The following SLC10A7 variants were observed in gnomAD, a reference collection of about 807,000 sequenced individuals.
SLC10A7 encodes sodium/bile acid cotransporter 7.
A neutral mutation model predicts 43.2 loss-of-function variants in SLC10A7; 29 were observed. The observed-to-expected ratio is 0.67, with a 90% CI of 0.50 to 0.92. The LOEUF (loss-of-function observed/expected upper bound fraction) is 0.92. Among genes scored for constraint, SLC10A7 ranks in the 40% least tolerant of loss-of-function variants. The pLI is 0.00. For synonymous variants in SLC10A7, 152 were observed against 144.8 expected (o/e 1.05, Z -0.35); for missense variants, 295 against 403.2 (o/e 0.73, Z 2.30).
At chr4:146,306,678 G>A (rs1291958401) in intron 6 of SLC10A7, among the ~76,000 whole-genome samples, 1 of 151,928 alleles carries the variant, frequency 6.6e-6, no homozygotes, top group African/African-American at 2.4e-5. Context: ...GCTATTCCCT[G>A]CAGCACAAGA....
In SLC10A7 at chr4:146,404,778, G is replaced by A. The variant is rs1399859755; in HGVS notation, c.435+38005C>T. 2.6e-5 allele frequency among the ~76,000 whole-genome samples: 4 copies of A among 152,080 alleles called. No individual in the cohort carries two copies. The South Asian group carries it at 8.3e-4, about 32-fold the overall frequency. Reference sequence around the variant, plus strand: ...AGCCACCGCACCTGGCTTATGTGTTGCGTCTTTGTTACGTGAACTTTGGAT... The same window carrying A: ...AGCCACCGCACCTGGCTTATGTGTTACGTCTTTGTTACGTGAACTTTGGAT... On this transcript the variant is annotated intron_variant, in intron 5 of 11. Transcript: ENST00000335472.
At chr4:146,430,262 CAATT>C (rs1729680249) in intron 5 of SLC10A7, among the ~76,000 whole-genome samples, 2 of 151,786 alleles carry the variant, frequency 1.3e-5, no homozygotes, top group South Asian at 4.2e-4. Flanking sequence ...CCTGAATGGC[CAATT>C]AGATAGTGGG....
chr4:146,309,383 CA>C (rs1560785519), intron 6 of SLC10A7, among the ~76,000 whole-genome samples: 3 of 152,098 alleles, frequency 2.0e-5, no homozygotes. Flanking sequence ...CAAATGTTAG[CA>C]CATCAGAAAC....
chr4:146,333,472 T>C (rs965709320), intron 5 of SLC10A7, among the ~76,000 whole-genome samples: 25 of 151,880 alleles, frequency 1.6e-4, no homozygotes, highest in Admixed American at 8.5e-4. Context: ...GAGTGCTTAA[T>C]AGGGAGGTGA....
intron 5 of SLC10A7, among the ~76,000 whole-genome samples, chr4:146,435,327 G>C (rs1045646673): frequency 1.3e-5 from 2 of 151,978 alleles, no homozygotes; most frequent in Non-Finnish European, 2.9e-5. Flanking sequence ...AGTTTATACA[G>C]TTTATGCATC....
intron 5 of SLC10A7, among the ~76,000 whole-genome samples, chr4:146,397,735 A>G (rs1738936451): frequency 6.6e-6 from 1 of 152,234 alleles, no homozygotes; most frequent in African/African-American, 2.4e-5. Context: ...GAGCCAATAA[A>G]TAAAGAACTG....
chr4:146,313,248 C>T (rs993414440), intron 6 of SLC10A7, among the ~76,000 whole-genome samples: 1 of 152,154 alleles, frequency 6.6e-6, no homozygotes, highest in African/African-American at 2.4e-5. Flanking sequence ...AAGACTGCCC[C>T]AACTCATCCC....
At chr4:146,445,323 C>T (rs375907963) in intron 4 of SLC10A7, among the ~76,000 whole-genome samples, 16 of 152,272 alleles carry the variant, frequency 1.1e-4, no homozygotes, top group South Asian at 4.1e-4. Flanking sequence ...ACTTGGCCGC[C>T]GTGCTCCATG....
intron 3 of SLC10A7, 80 bp from the exon 4 acceptor site, chr4:146,504,004 A>G (rs1736661768): frequency 1.7e-6 from 2 of 1,203,636 alleles, no homozygotes; most frequent in Non-Finnish European, 2.4e-6. Flanking sequence ...TAAAATAGCA[A>G]GGCTGAGCAA....
intron 7 of SLC10A7, among the ~76,000 whole-genome samples, chr4:146,298,166 A>T (rs1730912221): frequency 6.6e-6 from 1 of 152,172 alleles, no homozygotes. Flanking sequence ...CTCATCTGTG[A>T]TATAACAGTA....
intron 6 of SLC10A7, among the ~76,000 whole-genome samples, chr4:146,313,511 ACAAT>A (rs1294050598): frequency 3.9e-5 from 6 of 152,126 alleles, no homozygotes; most frequent in Non-Finnish European, 7.4e-5. Flanking sequence ...AGCAACTGAG[ACAAT>A]CAGATGGCTA....
rs568330055 is a variant in SLC10A7, at chr4:146,404,823, A to G, written c.435+37960T>C. Among the ~76,000 whole-genome samples, 38 of 152,164 alleles carry G rather than the reference A, an allele frequency of 2.5e-4. No homozygotes were observed. In the East Asian group the frequency reaches 6.8e-3, roughly 27 times the overall value. Reference sequence around the variant, plus strand: ...TTGGATATAAAAGCACTTCCCTGATATTTCACTGTAAAAATAAACTAAAGA... The same window carrying G: ...TTGGATATAAAAGCACTTCCCTGATGTTTCACTGTAAAAATAAACTAAAGA... On this transcript the variant is annotated intron_variant, in intron 5 of 11. Transcript: ENST00000335472.
intron 5 of SLC10A7, among the ~76,000 whole-genome samples, chr4:146,429,096 T>G (rs1436522557): frequency 6.6e-6 from 1 of 152,150 alleles, no homozygotes; most frequent in Non-Finnish European, 1.5e-5. Context: ...CCACTTCCAT[T>G]CCAAATCAAC....
intron 1 of SLC10A7, among the ~76,000 whole-genome samples, chr4:146,518,065 G>A (rs1266602792): frequency 1.3e-5 from 2 of 152,234 alleles, no homozygotes; most frequent in Non-Finnish European, 2.9e-5. Context: ...CCTCTCTGGA[G>A]TTAGGATGGC....
chr4:146,350,266 G>T (rs1734956505), intron 5 of SLC10A7, among the ~76,000 whole-genome samples: 1 of 151,744 alleles, frequency 6.6e-6, no homozygotes, highest in Non-Finnish European at 1.5e-5. Flanking sequence ...AAAGAAAGGG[G>T]TGACAGACGC....
chr4:146,360,722 G>T lies in SLC10A7; in HGVS notation c.436-34726C>A, dbSNP rs1689558827. Reference sequence around the variant, plus strand: ...TCCTCTCTCCTCAGACTCCCAAAATGCTGGGATTACAGGCATGAGCCACCA... The same window carrying T: ...TCCTCTCTCCTCAGACTCCCAAAATTCTGGGATTACAGGCATGAGCCACCA... On this transcript the variant is annotated intron_variant, in intron 5 of 11. Transcript: ENST00000335472. 2.6e-5 allele frequency among the ~76,000 whole-genome samples: 4 copies of T among 152,192 alleles called. 1 individual carries two copies. The South Asian group carries it at 8.3e-4, about 32-fold the overall frequency.
chr4:146,443,456 C>T (rs914435119), intron 4 of SLC10A7, among the ~76,000 whole-genome samples: 30 of 152,116 alleles, frequency 2.0e-4, no homozygotes, highest in African/African-American at 4.8e-4. Context: ...ACATAGCAGA[C>T]GTAATATAGC....
chr4:146,381,012 A>C (rs1261451851), intron 5 of SLC10A7, among the ~76,000 whole-genome samples: 1 of 152,048 alleles, frequency 6.6e-6, no homozygotes, highest in Non-Finnish European at 1.5e-5. Context: ...TGCCTGATCC[A>C]CTCATTTATA....
intron 5 of SLC10A7, among the ~76,000 whole-genome samples, chr4:146,349,196 A>T (rs1475430574): frequency 6.6e-6 from 1 of 152,238 alleles, no homozygotes; most frequent in African/African-American, 2.4e-5. Flanking sequence ...TTACTACTAT[A>T]GTCCATTAAA....
Sources: gnomAD v4.1 joint callset for allele counts (sites outside exome capture counted in the v4.1 genomes callset) on GRCh38, gnomAD v4.1.1 for gene constraint, MANE v1.5 for transcripts, NCBI Gene and HGNC (gene_info 2026-07-23, HGNC 2026-07-21) for gene names.